ROBO1: variants seen among roughly 807,000 people sequenced by gnomAD.
The protein encoded by ROBO1 is roundabout guidance receptor 1.
A neutral mutation model predicts 195.9 loss-of-function variants in ROBO1; 149 were observed. The observed-to-expected ratio is 0.76, with a 90% confidence interval of 0.67 to 0.87. The LOEUF (loss-of-function observed/expected upper bound fraction) is 0.87, where lower values mean the gene tolerates loss of function less well. ROBO1 is among the 40% of genes least tolerant of loss of function. The pLI, the probability that ROBO1 is intolerant of heterozygous loss-of-function variation, is 0.00. For synonymous variants in ROBO1, 816 were observed against 733.2 expected (o/e 1.11, Z -1.82); for missense variants, 1,933 against 2,068.3 (o/e 0.93, Z 1.27).
chr3:79,367,784 G>C (rs2036033165), intron 2 of ROBO1, among the ~76,000 whole-genome samples: 1 of 152,154 alleles, frequency 6.6e-6, no homozygotes. Flanking sequence ...TTGTAATTAA[G>C]TATTACGAGT....
intron 3 of ROBO1, among the ~76,000 whole-genome samples, chr3:79,025,779 A>C (rs1231606143): frequency 6.6e-6 from 1 of 152,156 alleles, no homozygotes; most frequent in Non-Finnish European, 1.5e-5. Context: ...GCACTGACTG[A>C]GGTTAAAGTA....
chr3:79,657,619 C>A (rs1946206752), intron 1 of ROBO1, among the ~76,000 whole-genome samples: 1 of 151,876 alleles, frequency 6.6e-6, no homozygotes, highest in Non-Finnish European at 1.5e-5. Flanking sequence ...GAGAATGGCA[C>A]CATTTGTGAA....
chr3:79,190,529 G>A (rs1285849717), intron 2 of ROBO1, among the ~76,000 whole-genome samples: 5 of 151,610 alleles, frequency 3.3e-5, no homozygotes, highest in African/African-American at 4.8e-5. Context: ...TTCTGATGAC[G>A]ACAGGGTTGT....
intron 1 of ROBO1, among the ~76,000 whole-genome samples, chr3:79,712,906 C>T (rs745935973): frequency 1.3e-5 from 2 of 151,986 alleles, no homozygotes; most frequent in Non-Finnish European, 2.9e-5. Flanking sequence ...GATAGTACAC[C>T]TGTTTATAGC....
chr3:78,991,802 G>A (rs2077244685), intron 3 of ROBO1, among the ~76,000 whole-genome samples: 1 of 152,134 alleles, frequency 6.6e-6, no homozygotes, highest in Non-Finnish European at 1.5e-5. Flanking sequence ...GCAGCAGGAT[G>A]AGATGGAAGG....
intron 10 of ROBO1, among the ~76,000 whole-genome samples, chr3:78,680,383 G>C (rs1463419265): frequency 2.6e-5 from 4 of 152,088 alleles, no homozygotes; most frequent in African/African-American, 9.7e-5. Context: ...ACTACCATCA[G>C]AGTGAACAGG....
At chr3:79,146,742 A>T (rs2080661104) in intron 2 of ROBO1, among the ~76,000 whole-genome samples, 1 of 151,996 alleles carries the variant, frequency 6.6e-6, no homozygotes, top group African/African-American at 2.4e-5. Context: ...GAAAGAAAAA[A>T]GCACATAGGA....
intron 2 of ROBO1, among the ~76,000 whole-genome samples, chr3:79,355,807 C>A (rs927129697): frequency 6.6e-6 from 1 of 152,024 alleles, no homozygotes; most frequent in African/African-American, 2.4e-5. Context: ...TATCCATTCA[C>A]CCATTAATGG....
intron 4 of ROBO1, among the ~76,000 whole-genome samples, chr3:78,766,225 G>C (rs766406657): frequency 6.6e-6 from 1 of 152,146 alleles, no homozygotes; most frequent in African/African-American, 2.4e-5. Context: ...GAAAAAGGCA[G>C]GTAGCAGTAG....
intron 23 of ROBO1, 112 bp downstream of exon 23, chr3:78,635,661 C>A: frequency 1.1e-6 from 1 of 934,800 alleles, no homozygotes; most frequent in Non-Finnish European, 1.6e-6. Flanking sequence ...AAGAAAATCT[C>A]AGCGACAGAA....
At chr3:79,024,781 T>C (rs1376494911) in intron 3 of ROBO1, among the ~76,000 whole-genome samples, 1 of 152,202 alleles carries the variant, frequency 6.6e-6, no homozygotes, top group African/African-American at 2.4e-5. Flanking sequence ...AATTAAGAGC[T>C]TCAGCTTTCC....
chr3:79,275,064 T>C (rs2030915342), intron 2 of ROBO1, among the ~76,000 whole-genome samples: 2 of 151,958 alleles, frequency 1.3e-5, no homozygotes, highest in African/African-American at 4.8e-5. Context: ...TTTAAAGAAC[T>C]AATACCAATC....
chr3:78,769,617 G>GTTTTT (rs1559836189), intron 4 of ROBO1, among the ~76,000 whole-genome samples: 41 of 72,920 alleles, frequency 5.6e-4, no homozygotes, highest in East Asian at 1.4e-3. Context: ...AGTGTACTTT[G>GTTTTT]GTTTTTTTTT....
intron 2 of ROBO1, among the ~76,000 whole-genome samples, chr3:79,175,454 C>T (rs575366130): frequency 6.6e-6 from 1 of 152,300 alleles, no homozygotes; most frequent in South Asian, 2.1e-4. Context: ...CCCCACCCTG[C>T]ATAAATCATA....
At chr3:79,182,514 G>A (rs1381069819) in intron 2 of ROBO1, among the ~76,000 whole-genome samples, 1 of 151,356 alleles carries the variant, frequency 6.6e-6, no homozygotes, top group Non-Finnish European at 1.5e-5. Context: ...TAATGAAATA[G>A]GTCTGCCTTC....
At chr3:79,201,719 C>G (rs2081767730) in intron 2 of ROBO1, among the ~76,000 whole-genome samples, 1 of 151,754 alleles carries the variant, frequency 6.6e-6, no homozygotes, top group South Asian at 2.1e-4. Flanking sequence ...ACTGAAAAAT[C>G]AAAATAACCT....
intron 3 of ROBO1, among the ~76,000 whole-genome samples, chr3:78,945,314 G>C (rs1165526610): frequency 6.6e-6 from 1 of 152,118 alleles, no homozygotes; most frequent in African/African-American, 2.4e-5. Context: ...ACTACTCTGA[G>C]ACAAAACTTC....
intron 2 of ROBO1, among the ~76,000 whole-genome samples, chr3:79,478,074 T>A (rs1938635003): frequency 6.6e-6 from 1 of 152,126 alleles, no homozygotes; most frequent in Admixed American, 6.6e-5. Flanking sequence ...AGAGAATACT[T>A]ATAATAACTT....
At chr3:79,012,642 T>C (rs2077811104) in intron 3 of ROBO1, among the ~76,000 whole-genome samples, 1 of 152,232 alleles carries the variant, frequency 6.6e-6, no homozygotes, top group African/African-American at 2.4e-5. Flanking sequence ...AACACTGTCA[T>C]AAGACATTTG....
Sources: gnomAD v4.1 joint callset for allele counts (sites outside exome capture counted in the v4.1 genomes callset) on GRCh38, gnomAD v4.1.1 for gene constraint, MANE v1.5 for transcripts, NCBI Gene and HGNC (gene_info 2026-07-23, HGNC 2026-07-21) for gene names.